HMCN1: variants seen among roughly 807,000 people sequenced by gnomAD.
HMCN1 encodes the protein hemicentin 1.
In HMCN1, 321 loss-of-function variants were observed where a neutral mutation model predicts 625.9. The ratio of observed to expected loss-of-function variants is 0.51; its 90% confidence interval spans 0.47 to 0.56. The LOEUF is 0.56. Among genes scored for constraint, HMCN1 ranks in the 20% least tolerant of loss-of-function variants. HMCN1 has a pLI of 0.00. For synonymous variants in HMCN1, 2,425 were observed against 2,417.6 expected (o/e 1.00, Z -0.09); for missense variants, 6,588 against 6,887.3 (o/e 0.96, Z 1.54).
At position 185,734,475 on chromosome 1, in the gene HMCN1, G is replaced by A. The variant is rs1653402904; in HGVS notation, c.-305G>A. 1 of 345,128 alleles carries A rather than the reference G, an allele frequency of 2.9e-6. No homozygotes were observed. Among genetic ancestry groups the A allele is most frequent in the African/African-American group, 2.1e-5 (1 of 46,880 alleles). The allele number at this position is 345,128 out of a possible 1,614,324, so 21.4% of individuals were successfully genotyped here. On this transcript the variant is annotated 5_prime_UTR_variant, in exon 1 of 107. Coordinates refer to ENST00000271588, the MANE Select transcript of HMCN1 (RefSeq NM_031935.3). ...GCGCCGCAGGCTCAGAGCTGCCCCCGGGGCATGGACCCGACGCGCCGCCCG... is the reference window on the plus strand; with the variant it reads ...GCGCCGCAGGCTCAGAGCTGCCCCCAGGGCATGGACCCGACGCGCCGCCCG...
At chr1:186,068,083 T>G (rs775732970) in intron 50 of HMCN1, 76 bp downstream of exon 50, 21 of 1,348,324 alleles carry the variant, frequency 1.6e-5, no homozygotes, top group East Asian at 2.3e-5. Flanking sequence ...CATTGGTTAC[T>G]TTTTATAAAA....
At chr1:185,850,511 G>C in intron 2 of HMCN1, among the ~76,000 whole-genome samples, 1 of 152,208 alleles carries the variant, frequency 6.6e-6, no homozygotes, top group Non-Finnish European at 1.5e-5. Context: ...TGTTCTGAAG[G>C]ATCTATAGGG....
intron 89 of HMCN1, among the ~76,000 whole-genome samples, chr1:186,138,898 A>G (rs1649787127): frequency 6.6e-6 from 1 of 152,202 alleles, no homozygotes; most frequent in Admixed American, 6.5e-5. Context: ...TCATTTATTC[A>G]TTCATTCATC....
At chr1:186,081,430 A>C in intron 56 of HMCN1, 36 bp downstream of exon 56, 1 of 1,471,144 alleles carries the variant, frequency 6.8e-7, no homozygotes, top group South Asian at 1.1e-5. Context: ...TAAAAGAGCT[A>C]TTTGACTTTG....
At position 185,925,145 on chromosome 1, in the gene HMCN1, A is replaced by T. The variant is rs1392246501; in HGVS notation, c.1384A>T (p.Ser462Cys). The change falls in exon 9 of 107, where the codon AGC becomes TGC. Residue 462 changes from serine (S) to cysteine (C), a missense_variant. Physicochemically the swap from Ser to Cys is moderately radical, Grantham distance 112 (BLOSUM62 -1). Coordinates refer to ENST00000271588, the MANE Select transcript of HMCN1 (RefSeq NM_031935.3). ...SVDSLLPFTL[S>C]FVRNGVTLGV... is the part of the protein sequence containing the mutation. ...TGACAGTCTTTTGCCCTTTACCTTGAGCTTTGTCAGAAATGGAGTTACACT... is the reference window on the plus strand; with the variant it reads ...TGACAGTCTTTTGCCCTTTACCTTGTGCTTTGTCAGAAATGGAGTTACACT... 6.2e-7 allele frequency: 1 copy of T among 1,613,906 alleles called. No individual in the cohort carries two copies. Among genetic ancestry groups the T allele is most frequent in the East Asian group, 2.2e-5 (1 of 44,866 alleles).
chr1:186,012,340 T>G, intron 30 of HMCN1, among the ~76,000 whole-genome samples: 1 of 152,078 alleles, frequency 6.6e-6, no homozygotes, highest in East Asian at 1.9e-4. Flanking sequence ...CTGAAAATAT[T>G]TTTGACTGTA....
intron 4 of HMCN1, among the ~76,000 whole-genome samples, chr1:185,886,674 T>A (rs1448810727): frequency 6.6e-6 from 1 of 152,074 alleles, no homozygotes; most frequent in Non-Finnish European, 1.5e-5. Flanking sequence ...TTATGGAAAA[T>A]TTTATTTAAT....
chr1:185,781,784 G>A (rs572519313), intron 1 of HMCN1, among the ~76,000 whole-genome samples: 1 of 152,148 alleles, frequency 6.6e-6, no homozygotes, highest in Non-Finnish European at 1.5e-5. Flanking sequence ...GGTCAATTTT[G>A]GAATAAGTGC....
intron 4 of HMCN1, among the ~76,000 whole-genome samples, chr1:185,902,377 GTCTCTATCTATCTATCTATCTATCTA>G (rs1665853061): frequency 6.8e-6 from 1 of 147,672 alleles, no homozygotes; most frequent in Non-Finnish European, 1.5e-5. Flanking sequence ...CATGTGCTAT[GTCTCTATCTATCTATCTATCTATCTA>G]TCTCTATCTA....
intron 70 of HMCN1, among the ~76,000 whole-genome samples, chr1:186,107,454 G>A (rs1437405183): frequency 2.0e-5 from 3 of 152,210 alleles, no homozygotes; most frequent in Non-Finnish European, 1.5e-5. Flanking sequence ...ATCACACAAA[G>A]ACTTTTTTGC....
chr1:186,187,778 A>G (rs1571488072), intron 105 of HMCN1, 105 bp from the exon 106 acceptor site: 21 of 1,447,600 alleles, frequency 1.5e-5, no homozygotes, highest in Non-Finnish European at 1.9e-6. Flanking sequence ...TCATGGCAGG[A>G]GAAGGCTAGC....
At chr1:185,762,844 G>A (rs1655599858) in intron 1 of HMCN1, among the ~76,000 whole-genome samples, 1 of 152,134 alleles carries the variant, frequency 6.6e-6, no homozygotes, top group South Asian at 2.1e-4. Flanking sequence ...CACTGATGAT[G>A]TTTATGCAAA....
chr1:185,910,258 T>C (rs1173524580), intron 5 of HMCN1, among the ~76,000 whole-genome samples: 1 of 152,078 alleles, frequency 6.6e-6, no homozygotes, highest in Admixed American at 6.6e-5. Context: ...ATAACTAATT[T>C]CCAAAAGAAA....
intron 89 of HMCN1, among the ~76,000 whole-genome samples, chr1:186,141,677 G>A (rs956354821): frequency 3.9e-5 from 6 of 152,144 alleles, no homozygotes; most frequent in South Asian, 2.1e-4. Flanking sequence ...CACTTATGTA[G>A]GATTTACTAT....
intron 106 of HMCN1, 95 bp downstream of exon 106, chr1:186,188,104 C>T: frequency 7.2e-7 from 1 of 1,383,232 alleles, no homozygotes. Flanking sequence ...ATGTGTAACT[C>T]ACAGGAAGTC....
At chr1:186,172,870 C>A (rs2102639741) in intron 102 of HMCN1, among the ~76,000 whole-genome samples, 1 of 152,014 alleles carries the variant, frequency 6.6e-6, no homozygotes, top group East Asian at 1.9e-4. Context: ...TAAAGAGGAA[C>A]AAATAAAATT....
chr1:186,057,527 C>G lies in HMCN1; in HGVS notation c.7312+126C>G. ...AACCTACTGCTTACTGTAATATTCA[C>G]TAATCATATTAAGAAAAAATATTTA... On this transcript the variant is annotated intron_variant, in intron 46 of 106. Transcript: ENST00000271588. 1.2e-5 allele frequency: 8 copies of G among 684,700 alleles called. No homozygotes were observed. The South Asian group carries it at 1.4e-4, about 12-fold the overall frequency. 42.4% of individuals were successfully genotyped at this position (684,700 alleles called of 1,614,324 possible).
intron 41 of HMCN1, among the ~76,000 whole-genome samples, chr1:186,047,068 G>A (rs1333719852): frequency 1.3e-5 from 2 of 152,074 alleles, no homozygotes; most frequent in African/African-American, 4.8e-5. Context: ...ATAGATGACG[G>A]GCAGTAAGCT....
intron 29 of HMCN1, among the ~76,000 whole-genome samples, chr1:186,004,143 G>A (rs1357904415): frequency 1.3e-5 from 2 of 152,186 alleles, no homozygotes; most frequent in Middle Eastern, 3.4e-3. Flanking sequence ...ATCTAAACAT[G>A]AGATGATTTT....
Sources: gnomAD v4.1 joint callset for allele counts (sites outside exome capture counted in the v4.1 genomes callset) on GRCh38, gnomAD v4.1.1 for gene constraint, MANE v1.5 for transcripts, NCBI Gene and HGNC (gene_info 2026-07-23, HGNC 2026-07-21) for gene names.